The following CCDC102B variants were observed in gnomAD, a reference collection of about 807,000 sequenced individuals.
The protein encoded by CCDC102B is coiled-coil domain containing 102B.
A neutral mutation model predicts 57.4 loss-of-function variants in CCDC102B; 75 were observed. That is an observed-to-expected ratio of 1.31 (90% confidence interval 1.08 to 1.58). The LOEUF is 1.58. Ranked by LOEUF, CCDC102B falls within the 40% of genes most tolerant of loss-of-function variation. The probability of loss-of-function intolerance (pLI) is 0.00; values close to 1 mark genes in which losing one functional copy is unlikely to be tolerated. For synonymous variants in CCDC102B, 206 were observed against 201.9 expected (o/e 1.02, Z -0.17); for missense variants, 636 against 582.6 (o/e 1.09, Z -0.94).
intron 7 of CCDC102B, among the ~76,000 whole-genome samples, chr18:69,019,141 A>G (rs1465644277): frequency 6.6e-6 from 1 of 151,858 alleles, no homozygotes; most frequent in Non-Finnish European, 1.5e-5. Context: ...AATTTTTAAT[A>G]AGAAGTGAAG....
chr18:68,888,290 G>A (rs992883108), intron 5 of CCDC102B, among the ~76,000 whole-genome samples: 4 of 152,008 alleles, frequency 2.6e-5, no homozygotes, highest in African/African-American at 4.8e-5. Context: ...CTTCCTAATT[G>A]CTTTTTAGTT....
intron 2 of CCDC102B, among the ~76,000 whole-genome samples, chr18:68,776,013 A>ATCTTTGATT (rs1177713178): frequency 1.4e-4 from 21 of 152,244 alleles, no homozygotes; most frequent in African/African-American, 4.8e-4. Flanking sequence ...ACTGTAATAT[A>ATCTTTGATT]TCTTTGATTA....
upstream of CCDC102B, among the ~76,000 whole-genome samples, chr18:68,793,584 A>G (rs2035533935): frequency 2.1e-5 from 3 of 145,774 alleles, no homozygotes; most frequent in South Asian, 6.5e-4. Flanking sequence ...CAGTATGTTC[A>G]TAGAATATCC....
At position 68,958,650 on chromosome 18, in the gene CCDC102B, C is replaced by T. The variant is rs1163210241; in HGVS notation, c.1264-52284C>T. Among the ~76,000 whole-genome samples, 3 of 152,178 alleles carry T rather than the reference C, an allele frequency of 2.0e-5. No individual in the cohort carries two copies. In the East Asian group the frequency reaches 5.8e-4, roughly 29 times the overall value. On this transcript the variant is annotated intron_variant, in intron 6 of 7. Transcript: ENST00000360242. ...GTAACTTATATTTACAGTTTTGAGG[C>T]TATTTTCTTGATCTTATATGCATGC...
At chr18:68,797,613 G>T (rs2144674879), upstream of CCDC102B, among the ~76,000 whole-genome samples, 1 of 152,128 alleles carries the variant, frequency 6.6e-6, no homozygotes, top group East Asian at 1.9e-4. Flanking sequence ...TTCATGATTT[G>T]TATACTCAAA....
At position 68,790,117 on chromosome 18, in the gene CCDC102B, G is replaced by T. The variant is rs1158658190; in HGVS notation, c.-66-33249G>T. On this transcript the variant is annotated intron_variant, in intron 2 of 3. Transcript: ENST00000578970. ...TGAGGTGTCAGTCTGCCCCTGCTGG[G>T]GGGTGCCTCCCAGTTAGGCTGCTCA... Among the ~76,000 whole-genome samples, 3 of 149,574 alleles carry T rather than the reference G, an allele frequency of 2.0e-5. 1 individual carries two copies. Among genetic ancestry groups the T allele is most frequent in the African/African-American group, 7.6e-5 (3 of 39,546 alleles).
chr18:68,857,801 A>G (rs1233972342), intron 4 of CCDC102B, among the ~76,000 whole-genome samples: 1 of 152,104 alleles, frequency 6.6e-6, no homozygotes, highest in Admixed American at 6.6e-5. Context: ...TGATTCCACA[A>G]TTTATTGAAT....
intron 7 of CCDC102B, among the ~76,000 whole-genome samples, chr18:69,028,632 G>GACACAC (rs34947733): frequency 2.0e-5 from 3 of 149,508 alleles, no homozygotes; most frequent in Admixed American, 6.7e-5. Flanking sequence ...GGGCTTCTTT[G>GACACAC]ACACACACAC....
chr18:68,956,349 T>TA (rs1491436001), intron 6 of CCDC102B, among the ~76,000 whole-genome samples: 1 of 57,236 alleles, frequency 1.7e-5, no homozygotes, highest in Non-Finnish European at 3.8e-5. Context: ...AATATATATA[T>TA]TAATATATAT....
At chr18:68,942,309 C>T (rs2049399939) in intron 6 of CCDC102B, among the ~76,000 whole-genome samples, 2 of 152,002 alleles carry the variant, frequency 1.3e-5, no homozygotes, top group African/African-American at 4.8e-5. Context: ...GGGCGTTTCT[C>T]GTCAGGTGGA....
At chr18:68,907,078 G>A (rs1385316323) in intron 6 of CCDC102B, among the ~76,000 whole-genome samples, 1 of 151,938 alleles carries the variant, frequency 6.6e-6, no homozygotes, top group Non-Finnish European at 1.5e-5. Context: ...TTCTGCCACT[G>A]GATTGTCTTG....
At chr18:68,956,068 T>C (rs1462262619) in intron 6 of CCDC102B, among the ~76,000 whole-genome samples, 1 of 151,704 alleles carries the variant, frequency 6.6e-6, no homozygotes, top group African/African-American at 2.4e-5. Flanking sequence ...CTGCAAAGTT[T>C]GTCTTTCTGT....
At chr18:68,971,477 G>A (rs1048894264) in intron 6 of CCDC102B, among the ~76,000 whole-genome samples, 1 of 152,062 alleles carries the variant, frequency 6.6e-6, no homozygotes, top group African/African-American at 2.4e-5. Context: ...CCAGTTATTA[G>A]ACTGCATGAT....
Position 68,905,137 on chromosome 18 carries a change from A to G in CCDC102B, c.1263+7709A>G, listed in dbSNP as rs559850401. On this transcript the variant is annotated intron_variant, in intron 6 of 7. Transcript: ENST00000360242. Reference sequence around the variant, plus strand: ...TTTAAAATCTCCTTCATGTGTATCAAACAGGTGATATGTTAACCCATATCC... The same window carrying G: ...TTTAAAATCTCCTTCATGTGTATCAGACAGGTGATATGTTAACCCATATCC... 2.9e-4 allele frequency among the ~76,000 whole-genome samples: 44 copies of G among 150,926 alleles called. 1 individual carries two copies. In the South Asian group the frequency reaches 5.3e-3, roughly 18 times the overall value.
intron 5 of CCDC102B, among the ~76,000 whole-genome samples, chr18:68,878,327 A>G (rs1054072187): frequency 6.6e-6 from 1 of 152,026 alleles, no homozygotes; most frequent in Admixed American, 6.5e-5. Context: ...CTGAACTCCT[A>G]AGCTAAATGA....
At chr18:68,773,748 T>C (rs932782620) in intron 2 of CCDC102B, among the ~76,000 whole-genome samples, 1 of 152,042 alleles carries the variant, frequency 6.6e-6, no homozygotes, top group African/African-American at 2.4e-5. Flanking sequence ...TTTTAAAAGA[T>C]AGTTGTCTGA....
At chr18:68,756,143 A>G (rs1460160530) in intron 2 of CCDC102B, among the ~76,000 whole-genome samples, 1 of 151,788 alleles carries the variant, frequency 6.6e-6, no homozygotes, top group Non-Finnish European at 1.5e-5. Context: ...TATTATTTTG[A>G]ATCAATAAGT....
At chr18:68,791,772 A>G (rs2035470900) in intron 2 of CCDC102B, among the ~76,000 whole-genome samples, 1 of 152,144 alleles carries the variant, frequency 6.6e-6, no homozygotes, top group Admixed American at 6.5e-5. Flanking sequence ...ATGAAAAATA[A>G]CAATGAGACT....
At chr18:68,727,397 G>A (rs1016729623) in intron 2 of CCDC102B, among the ~76,000 whole-genome samples, 7 of 152,018 alleles carry the variant, frequency 4.6e-5, no homozygotes, top group African/African-American at 1.5e-4. Flanking sequence ...ATAATTGGAG[G>A]ACATAAAATT....
Sources: allele counts gnomAD v4.1 joint callset (sites outside exome capture counted in the v4.1 genomes callset), GRCh38; gene constraint gnomAD v4.1.1; transcripts MANE v1.5; gene names NCBI Gene and HGNC (gene_info 2026-07-23, HGNC 2026-07-21).